DOCK4: variants seen among roughly 807,000 people sequenced by gnomAD.
DOCK4 encodes dedicator of cytokinesis protein 4.
DOCK4 carries 97 observed loss-of-function variants against 268.1 expected under a neutral mutation model. The ratio of observed to expected loss-of-function variants is 0.36; its 90% CI spans 0.31 to 0.43. The LOEUF (loss-of-function observed/expected upper bound fraction) is 0.43. DOCK4 is among the 20% of genes least tolerant of loss of function. DOCK4 has a pLI of 1.00. For synonymous variants in DOCK4, 954 were observed against 887.2 expected (o/e 1.08, Z -1.34); for missense variants, 2,145 against 2,455.7 (o/e 0.87, Z 2.67).
At chr7:111,792,452 G>A (rs1169971476) in intron 30 of DOCK4, among the ~76,000 whole-genome samples, 4 of 152,098 alleles carry the variant, frequency 2.6e-5, no homozygotes, top group Middle Eastern at 3.4e-3. Context: ...GCACAATCTC[G>A]GCTCACTGCA....
chr7:112,165,478 C>A (rs971893252), intron 1 of DOCK4, among the ~76,000 whole-genome samples: 4 of 151,144 alleles, frequency 2.6e-5, no homozygotes, highest in African/African-American at 9.7e-5. Flanking sequence ...ATTCATGTTA[C>A]TGCAAATGAT....
chr7:111,949,079 T>C (rs960904150), intron 8 of DOCK4, among the ~76,000 whole-genome samples: 1 of 152,192 alleles, frequency 6.6e-6, no homozygotes, highest in Non-Finnish European at 1.5e-5. Context: ...ATTTATTGAT[T>C]ACATTTTAGC....
chr7:111,759,483 T>C (rs1436871081), intron 40 of DOCK4, among the ~76,000 whole-genome samples: 1 of 152,232 alleles, frequency 6.6e-6, no homozygotes, highest in Non-Finnish European at 1.5e-5. Flanking sequence ...CTTTCTTGCA[T>C]GTCTTGCATT....
intron 41 of DOCK4, among the ~76,000 whole-genome samples, chr7:111,756,824 T>C (rs10252167): frequency 0.38 from 57,001 of 151,682 alleles, 11,175 homozygotes; most frequent in South Asian, 0.6. Context: ...GGCAGAGATC[T>C]TGTGACAAGA....
At chr7:112,189,433 G>A (rs753734931) in intron 1 of DOCK4, among the ~76,000 whole-genome samples, 5 of 152,140 alleles carry the variant, frequency 3.3e-5, no homozygotes, top group Non-Finnish European at 4.4e-5. Flanking sequence ...ATTACATGGT[G>A]GCCAGAGGAT....
intron 32 of DOCK4, among the ~76,000 whole-genome samples, chr7:111,785,385 A>G (rs1799095235): frequency 6.6e-6 from 1 of 152,218 alleles, no homozygotes; most frequent in South Asian, 2.1e-4. Flanking sequence ...GACAGCCTAC[A>G]CCTCATACTT....
Position 111,727,989 on chromosome 7 carries a change from A to T in DOCK4, c.*285T>A, listed in dbSNP as rs1046492278. ...TATTGGTTTTAAGATTAAACTATAT[A>T]AAAAAAAGTGAACATAAAAAGGTAC... is the stretch of plus-strand genomic sequence containing the variant. On this transcript the variant is annotated 3_prime_UTR_variant, in exon 53 of 53. Coordinates refer to ENST00000428084, the MANE Select transcript of DOCK4 (RefSeq NM_001363540.2). 2.7e-4 allele frequency: 88 copies of T among 324,186 alleles called. No individual in the cohort carries two copies. Among genetic ancestry groups the T allele is most frequent in the African/African-American group, 1.9e-4 (9 of 46,482 alleles). The allele number at this position is 324,186 out of a possible 1,614,324, so 20.1% of individuals were successfully genotyped here.
chr7:112,155,322 ATTAAT>A (rs1291465334), intron 1 of DOCK4, among the ~76,000 whole-genome samples: 1 of 152,204 alleles, frequency 6.6e-6, no homozygotes, highest in African/African-American at 2.4e-5. Context: ...AATACTAAGG[ATTAAT>A]TTAATATGTT....
intron 8 of DOCK4, among the ~76,000 whole-genome samples, chr7:111,957,408 T>C (rs1427513719): frequency 1.3e-5 from 2 of 152,178 alleles, no homozygotes; most frequent in African/African-American, 4.8e-5. Flanking sequence ...TTAAGAAAGA[T>C]AGCCATGACT....
At chr7:111,969,290 C>G (rs946568080) in intron 8 of DOCK4, among the ~76,000 whole-genome samples, 5 of 150,790 alleles carry the variant, frequency 3.3e-5, no homozygotes, top group African/African-American at 1.2e-4. Flanking sequence ...TCTTATGGCT[C>G]CAGCTTCCAA....
chr7:111,991,218 T>G (rs1318573303), intron 5 of DOCK4, among the ~76,000 whole-genome samples: 1 of 152,180 alleles, frequency 6.6e-6, no homozygotes, highest in Non-Finnish European at 1.5e-5. Context: ...CTTATAAAGC[T>G]GAAAATCAGT....
At chr7:111,833,443 C>G (rs1192676757) in intron 26 of DOCK4, among the ~76,000 whole-genome samples, 1 of 151,798 alleles carries the variant, frequency 6.6e-6, no homozygotes, top group Non-Finnish European at 1.5e-5. Context: ...ACTTGGGAAG[C>G]AGAGGCAGGA....
At chr7:112,049,221 T>C (rs1805131705) in intron 1 of DOCK4, among the ~76,000 whole-genome samples, 1 of 152,162 alleles carries the variant, frequency 6.6e-6, no homozygotes, top group South Asian at 2.1e-4. Context: ...ATAACTTATA[T>C]AAATACAGTG....
chr7:111,969,714 A>G (rs2135053128), intron 8 of DOCK4, among the ~76,000 whole-genome samples: 1 of 152,066 alleles, frequency 6.6e-6, no homozygotes, highest in East Asian at 1.9e-4. Context: ...ATTGTAGATT[A>G]ATTGACATAT....
intron 12 of DOCK4, among the ~76,000 whole-genome samples, chr7:111,929,662 T>C (rs1794036592): frequency 6.6e-6 from 1 of 152,070 alleles, no homozygotes; most frequent in Non-Finnish European, 1.5e-5. Flanking sequence ...CTCAGCCAAA[T>C]AAAAAACACC....
intron 2 of DOCK4, 137 bp from the exon 3 acceptor site, chr7:112,000,671 G>C: frequency 1.9e-6 from 1 of 531,644 alleles, no homozygotes; most frequent in Non-Finnish European, 3.2e-6. Flanking sequence ...GTAGGTATTG[G>C]CCTTAGGCTA....
chr7:112,189,605 A>G (rs568122942), intron 1 of DOCK4, among the ~76,000 whole-genome samples: 1 of 152,234 alleles, frequency 6.6e-6, no homozygotes, highest in Non-Finnish European at 1.5e-5. Flanking sequence ...ACAATTTATT[A>G]TGTAGCAAAT....
At chr7:111,812,348 T>G (rs12113644) in intron 27 of DOCK4, among the ~76,000 whole-genome samples, 1 of 152,132 alleles carries the variant, frequency 6.6e-6, no homozygotes. Flanking sequence ...GGCATGATCA[T>G]AGCTCACTGC....
At chr7:112,063,559 C>T (rs1159095285) in intron 1 of DOCK4, among the ~76,000 whole-genome samples, 4 of 152,126 alleles carry the variant, frequency 2.6e-5, no homozygotes, top group Admixed American at 2.6e-4. Flanking sequence ...ATATCACTAA[C>T]CCAGGAAAAG....
Sources: gnomAD v4.1 joint callset for allele counts (sites outside exome capture counted in the v4.1 genomes callset) on GRCh38, gnomAD v4.1.1 for gene constraint, MANE v1.5 for transcripts, NCBI Gene and HGNC (gene_info 2026-07-23, HGNC 2026-07-21) for gene names.